Variants in PARD3B observed in about 807,000 individuals in gnomAD.
The protein encoded by PARD3B is par-3 family cell polarity regulator beta.
Under a neutral mutation model 130.2 loss-of-function variants are expected in PARD3B, and 103 were observed. The ratio of observed to expected loss-of-function variants is 0.79; its 90% confidence interval spans 0.67 to 0.93. The LOEUF (loss-of-function observed/expected upper bound fraction) is 0.93, where lower values mean the gene tolerates loss of function less well. PARD3B is among the 40% of genes least tolerant of loss of function. The probability of loss-of-function intolerance (pLI) is 0.00; values close to 1 mark genes in which losing one functional copy is unlikely to be tolerated. For synonymous variants in PARD3B, 583 were observed against 553.2 expected (o/e 1.05, Z -0.76); for missense variants, 1,609 against 1,499.2 (o/e 1.07, Z -1.21).
chr2:204,746,172 T>A (rs2040219797), intron 2 of PARD3B, among the ~76,000 whole-genome samples: 1 of 125,846 alleles, frequency 7.9e-6, no homozygotes, highest in Admixed American at 9.9e-5. Context: ...TGATGTTCCC[T>A]TTCCTGTGAC....
At chr2:204,891,934 A>T (rs1444504566) in intron 2 of PARD3B, among the ~76,000 whole-genome samples, 4 of 152,178 alleles carry the variant, frequency 2.6e-5, no homozygotes. Flanking sequence ...GAAAATTACC[A>T]TGTCTTTGTA....
At chr2:204,923,876 G>T (rs959777714) in intron 2 of PARD3B, among the ~76,000 whole-genome samples, 1 of 152,052 alleles carries the variant, frequency 6.6e-6, no homozygotes, top group Non-Finnish European at 1.5e-5. Flanking sequence ...TTCAGTTGCA[G>T]TATGTTAAAT....
chr2:205,128,316 G>T lies in PARD3B; in HGVS notation c.1434+2579G>T, dbSNP rs529668838. ...TATACCTTTCTCCCATATGTCCTCT[G>T]GAATTTTTAACCCCACAGTTAATAC... On this transcript the variant is annotated intron_variant, in intron 10 of 22. Coordinates refer to ENST00000406610, the MANE Select transcript of PARD3B (RefSeq NM_001302769.2). The surrounding 1 kb of genome is among the most constrained non-coding windows in gnomAD (Gnocchi z 4.5). Among the ~76,000 whole-genome samples the T allele has an allele frequency of 3.0e-4, 45 of 152,266 alleles. No homozygotes were observed. Among genetic ancestry groups the T allele is most frequent in the Admixed American group, 5.2e-4 (8 of 15,294 alleles).
chr2:205,363,345 G>A (rs1410245833), intron 18 of PARD3B, among the ~76,000 whole-genome samples: 1 of 152,090 alleles, frequency 6.6e-6, no homozygotes, highest in East Asian at 1.9e-4. Context: ...GAGAGGAGAG[G>A]GGCCTTACCC....
At chr2:205,308,445 A>G (rs2042258213) in intron 18 of PARD3B, among the ~76,000 whole-genome samples, 3 of 152,038 alleles carry the variant, frequency 2.0e-5, no homozygotes, top group Admixed American at 6.6e-5. Context: ...TCTCTACTAA[A>G]AAATACAAAA....
At chr2:205,588,324 A>G (rs2054268753) in intron 22 of PARD3B, among the ~76,000 whole-genome samples, 1 of 152,196 alleles carries the variant, frequency 6.6e-6, no homozygotes, top group African/African-American at 2.4e-5. Context: ...ATGACATGGC[A>G]TGTTTTCCAC....
chr2:205,036,884 A>G lies in PARD3B; in HGVS notation c.395-10697A>G, dbSNP rs912308421. On this transcript the variant is annotated intron_variant, in intron 3 of 22. Coordinates refer to ENST00000406610, the MANE Select transcript of PARD3B (RefSeq NM_001302769.2). ...TATATGTAAAGAACATATGTAGCGGACTGTATATATAAAGAACATATATAG... is the reference window on the plus strand; with the variant it reads ...TATATGTAAAGAACATATGTAGCGGGCTGTATATATAAAGAACATATATAG... Among the ~76,000 whole-genome samples, 4 of 151,612 alleles carry G rather than the reference A, an allele frequency of 2.6e-5. No homozygotes were observed. The South Asian group carries it at 8.3e-4, about 31-fold the overall frequency.
At position 205,545,017 on chromosome 2, in the gene PARD3B, A is replaced by G. The variant is rs757514499; in HGVS notation, c.3181-8307A>G. Among the ~76,000 whole-genome samples the G allele has an allele frequency of 5.3e-5, 8 of 152,260 alleles. No individual in the cohort carries two copies. In the East Asian group the frequency reaches 9.6e-4, roughly 18 times the overall value. On this transcript the variant is annotated intron_variant, in intron 21 of 22. Transcript: ENST00000406610. ...ACTAGCAGATGTTCTAGACTAGTCT[A>G]TAAGCTGAATACCCAGTTATTTCAC...
Position 205,095,707 on chromosome 2 carries a change from C to G in PARD3B, c.505-8719C>G, listed in dbSNP as rs149288784. Among the ~76,000 whole-genome samples, 522 of 152,174 alleles carry G rather than the reference C, an allele frequency of 3.4e-3. 3 individuals are homozygous for G. The highest frequency in any genetic ancestry group is 0.012 in the African/African-American group (507 of 41,536). Reference sequence around the variant, plus strand: ...AAAGCTCACAGCTGTCTTTTGACACCTGGTATCAGCTTAAGTCAACTTTTA... The same window carrying G: ...AAAGCTCACAGCTGTCTTTTGACACGTGGTATCAGCTTAAGTCAACTTTTA... On this transcript the variant is annotated intron_variant, in intron 4 of 22. Transcript: ENST00000406610.
intron 2 of PARD3B, among the ~76,000 whole-genome samples, chr2:204,724,791 ATG>A (rs1266036429): frequency 1.5e-5 from 2 of 134,312 alleles, no homozygotes; most frequent in Admixed American, 8.3e-5. Context: ...AAGTCTAATT[ATG>A]TTGCTGAAAA....
chr2:205,361,718 T>G (rs941117026), intron 18 of PARD3B, among the ~76,000 whole-genome samples: 6 of 152,162 alleles, frequency 3.9e-5, no homozygotes, highest in African/African-American at 1.4e-4. Context: ...AGGAAGCAAT[T>G]TCCATTTTGC....
rs570086973 is a variant in PARD3B, at chr2:204,658,272, G to A, written c.121-27909G>A. On this transcript the variant is annotated intron_variant, in intron 1 of 22. Transcript: ENST00000406610. ...CCCAAGGGAACAGGTGGAGTGAGTT[G>A]CTTTACATAGTAAGTTAGGATTGAG... is the stretch of plus-strand genomic sequence containing the variant. Among the ~76,000 whole-genome samples, 4 of 152,256 alleles carry A rather than the reference G, an allele frequency of 2.6e-5. No homozygotes were observed. In the South Asian group the frequency reaches 8.3e-4, roughly 32 times the overall value.
intron 19 of PARD3B, among the ~76,000 whole-genome samples, chr2:205,422,814 A>G (rs914969870): frequency 8.8e-6 from 1 of 113,568 alleles, no homozygotes; most frequent in African/African-American, 3.3e-5. Flanking sequence ...ATGGAATGCC[A>G]TGGTCAGGAC....
chr2:204,776,724 G>C (rs1001126857), intron 2 of PARD3B, among the ~76,000 whole-genome samples: 1 of 151,938 alleles, frequency 6.6e-6, no homozygotes, highest in Non-Finnish European at 1.5e-5. Flanking sequence ...GGTCTGGTAG[G>C]AATTTAAGTT....
intron 10 of PARD3B, among the ~76,000 whole-genome samples, chr2:205,136,181 G>A (rs926261198): frequency 1.3e-5 from 2 of 152,072 alleles, no homozygotes; most frequent in South Asian, 2.1e-4. Flanking sequence ...ATTGTTTAAC[G>A]GCTTGAAATG....
At chr2:205,200,950 G>A (rs1003610535) in intron 15 of PARD3B, among the ~76,000 whole-genome samples, 1 of 152,116 alleles carries the variant, frequency 6.6e-6, no homozygotes, top group Non-Finnish European at 1.5e-5. Flanking sequence ...TGCCTGACAC[G>A]GCCATCCCCA....
In PARD3B at chr2:204,678,623, TTAGTCTCTGATGCGCAGTTGCTTC is replaced by T. The variant is rs941454733; in HGVS notation, c.121-7532_121-7509del. On this transcript the variant is annotated intron_variant, in intron 1 of 22. Coordinates refer to ENST00000406610, the MANE Select transcript of PARD3B (RefSeq NM_001302769.2). This position sits in a 1 kb window ranked among gnomAD's most constrained non-coding sequence, Gnocchi z 4.2. The stretch of plus-strand genomic sequence containing the variant: ...GTCTGACATTAAGCCGCGTCTAGCC[TTAGTCTCTGATGCGCAGTTGCTTC>T]TAGTCTCTGATGCGCAGTTGCTTCT... 1.1e-4 allele frequency among the ~76,000 whole-genome samples: 17 copies of T among 152,128 alleles called. No individual in the cohort carries two copies. Among genetic ancestry groups the T allele is most frequent in the African/African-American group, 2.2e-4 (9 of 41,514 alleles).
intron 20 of PARD3B, among the ~76,000 whole-genome samples, chr2:205,449,048 C>T (rs1005102494): frequency 6.6e-6 from 1 of 151,540 alleles, no homozygotes; most frequent in Non-Finnish European, 1.5e-5. Flanking sequence ...TGCCTGTAAT[C>T]CCAGCTACTT....
intron 13 of PARD3B, among the ~76,000 whole-genome samples, chr2:205,180,104 T>C (rs1280050208): frequency 6.6e-6 from 1 of 151,858 alleles, no homozygotes; most frequent in Non-Finnish European, 1.5e-5. Context: ...GTTTCCTGTT[T>C]CTCTTTCTTC....
Sources: allele counts gnomAD v4.1 joint callset (sites outside exome capture counted in the v4.1 genomes callset), GRCh38; gene constraint gnomAD v4.1.1; non-coding constraint Gnocchi (gnomAD v3.1); transcripts MANE v1.5; gene names NCBI Gene and HGNC (gene_info 2026-07-23, HGNC 2026-07-21).